The following DAG1 variants were observed in gnomAD, a reference collection of about 807,000 sequenced individuals.
The protein encoded by DAG1 is dystroglycan 1.
DAG1 carries 8 observed loss-of-function variants against 46.1 expected under a neutral mutation model. The ratio of observed to expected loss-of-function variants is 0.17; its 90% CI spans 0.10 to 0.31. DAG1 has a LOEUF of 0.31. DAG1 is among the 10% of genes least tolerant of loss of function. The pLI is 1.00. For synonymous variants in DAG1, 495 were observed against 481.8 expected, an observed-to-expected ratio of 1.03 and a Z score of -0.36; for missense variants, 1,003 against 1,189.9, an observed-to-expected ratio of 0.84 and a Z score of 2.31.
At chr3:49,490,321 C>G (rs985643748) in intron 1 of DAG1, among the ~76,000 whole-genome samples, 2 of 150,128 alleles carry the variant, frequency 1.3e-5, no homozygotes, top group African/African-American at 2.5e-5. Context: ...CCACTGCCCT[C>G]TAGCCTGGGC....
chr3:49,491,454 G>T (rs1321635943), intron 1 of DAG1, among the ~76,000 whole-genome samples: 1 of 151,760 alleles, frequency 6.6e-6, no homozygotes, highest in African/African-American at 2.4e-5. Flanking sequence ...GGGATCATAG[G>T]CACCTGCCAC....
chr3:49,484,244 C>T (rs1192059862), intron 1 of DAG1, among the ~76,000 whole-genome samples: 1 of 152,042 alleles, frequency 6.6e-6, no homozygotes, highest in Non-Finnish European at 1.5e-5. Flanking sequence ...TGAGGATGTG[C>T]TTTTTCCAAT....
intron 1 of DAG1, chr3:49,488,594 G>A (rs577128212): frequency 6.6e-6 from 1 of 151,984 alleles, no homozygotes; most frequent in South Asian, 2.1e-4. Flanking sequence ...ATTAGAAAAA[G>A]GAACGGTTAT....
chr3:49,470,646 C>G (rs1248040609), intron 1 of DAG1: 1 of 152,186 alleles, frequency 6.6e-6, no homozygotes, highest in Non-Finnish European at 1.5e-5. Context: ...TCGGAGCGTT[C>G]GGCTGCAAGG....
chr3:49,485,603 A>G (rs988788681), intron 1 of DAG1, among the ~76,000 whole-genome samples: 4 of 150,030 alleles, frequency 2.7e-5, no homozygotes, highest in African/African-American at 7.4e-5. Context: ...CTTTATGTCT[A>G]CTTAGGTTGC....
At chr3:49,505,491 A>G (rs948457180) in intron 1 of DAG1, among the ~76,000 whole-genome samples, 3 of 152,174 alleles carry the variant, frequency 2.0e-5, no homozygotes, top group Admixed American at 2.0e-4. Flanking sequence ...ATGTTGCAGT[A>G]TATAGAAATA....
chr3:49,528,275 A>ATTTTTTT (rs147292984), intron 2 of DAG1, among the ~76,000 whole-genome samples: 971 of 66,596 alleles, frequency 0.015, 193 homozygotes, highest in Non-Finnish European at 0.02. Flanking sequence ...AAATAGTGTG[A>ATTTTTTT]TTTTTTTTTT....
In DAG1 at chr3:49,526,391, C is replaced by T. The variant is rs190644838; in HGVS notation, c.286-4406C>T. Among the ~76,000 whole-genome samples, 292 of 152,310 alleles carry T rather than the reference C, an allele frequency of 1.9e-3. 3 individuals are homozygous for T. The highest frequency in any genetic ancestry group is 6.4e-3 in the African/African-American group (268 of 41,572). On this transcript the variant is annotated intron_variant, in intron 2 of 2. Transcript: ENST00000308775. ...AAAGACATGGGTAAACTTTACATGG[C>T]TGCAAAGCCATGGGTAGACAATAGT...
chr3:49,493,702 T>A (rs942810526), intron 1 of DAG1, among the ~76,000 whole-genome samples: 1 of 152,184 alleles, frequency 6.6e-6, no homozygotes, highest in Admixed American at 6.5e-5. Context: ...CATCCTTTGC[T>A]GGGGAAGGCC....
At chr3:49,518,148 G>A (rs867094277) in intron 2 of DAG1, among the ~76,000 whole-genome samples, 11 of 152,224 alleles carry the variant, frequency 7.2e-5, no homozygotes, top group African/African-American at 2.2e-4. Context: ...ATGTCCAGAT[G>A]AGGGTTGGTC....
chr3:49,530,694 A>G, intron 2 of DAG1, 103 bp from the exon 3 acceptor site: 1 of 1,555,180 alleles, frequency 6.4e-7, no homozygotes, highest in Non-Finnish European at 8.8e-7. Flanking sequence ...GGCATTCTGA[A>G]TTATACCTTA....
chr3:49,507,663 CCTTTATCTTTTCCTTTT>C (rs1203748697), intron 1 of DAG1, among the ~76,000 whole-genome samples: 14 of 109,914 alleles, frequency 1.3e-4, no homozygotes, highest in Non-Finnish European at 2.6e-4. Flanking sequence ...CTTTTCCTTT[CCTTTATCTTTTCCTTTT>C]CTTTTGAGAC....
At chr3:49,485,878 C>T (rs1023170264) in intron 1 of DAG1, among the ~76,000 whole-genome samples, 3 of 152,078 alleles carry the variant, frequency 2.0e-5, no homozygotes, top group South Asian at 2.1e-4. Flanking sequence ...CCAGGCTAGT[C>T]TCAAACTCCT....
intron 1 of DAG1, among the ~76,000 whole-genome samples, chr3:49,479,884 C>T (rs1205424590): frequency 1.4e-5 from 2 of 148,126 alleles, no homozygotes; most frequent in African/African-American, 5.0e-5. Flanking sequence ...TCGTGATCCA[C>T]CTGCCTCGGC....
At chr3:49,519,066 A>G (rs1457701619) in intron 2 of DAG1, among the ~76,000 whole-genome samples, 1 of 152,068 alleles carries the variant, frequency 6.6e-6, no homozygotes, top group Non-Finnish European at 1.5e-5. Context: ...GCCTTCACTC[A>G]GTGGATCCTG....
At chr3:49,500,854 G>A (rs2050429453) in intron 1 of DAG1, among the ~76,000 whole-genome samples, 1 of 152,130 alleles carries the variant, frequency 6.6e-6, no homozygotes, top group African/African-American at 2.4e-5. Flanking sequence ...TCTGAACCAC[G>A]AGGAGGAGGA....
intron 2 of DAG1, among the ~76,000 whole-genome samples, chr3:49,513,392 A>G (rs137995437): frequency 2.0e-5 from 3 of 152,294 alleles, no homozygotes; most frequent in African/African-American, 7.2e-5. Context: ...AACTTGCCCA[A>G]CAACACTTCC....
At chr3:49,471,648 T>A (rs1316318324) in intron 1 of DAG1, among the ~76,000 whole-genome samples, 1 of 152,216 alleles carries the variant, frequency 6.6e-6, no homozygotes, top group Non-Finnish European at 1.5e-5. Context: ...CCCTATGGGA[T>A]ATAAAAGCTT....
intron 2 of DAG1, among the ~76,000 whole-genome samples, chr3:49,516,384 A>G (rs1312121376): frequency 6.6e-6 from 1 of 152,240 alleles, no homozygotes; most frequent in South Asian, 2.1e-4. Flanking sequence ...GTGCTGGGGC[A>G]GCAAGAGACT....
Sources: allele counts gnomAD v4.1 joint callset (sites outside exome capture counted in the v4.1 genomes callset), GRCh38; gene constraint gnomAD v4.1.1; transcripts MANE v1.5; gene names NCBI Gene and HGNC (gene_info 2026-07-23, HGNC 2026-07-21).